The following DHX16 variants were observed in gnomAD, a reference collection of about 807,000 sequenced individuals.
DHX16 encodes the protein pre-mRNA-splicing factor ATP-dependent RNA helicase DHX16.
DHX16 carries 81 observed loss-of-function variants against 131.2 expected under a neutral mutation model. That is an observed-to-expected ratio of 0.62 (90% confidence interval 0.52 to 0.74). DHX16 has a LOEUF of 0.74. Ranked by LOEUF, DHX16 falls within the 30% of genes least tolerant of loss-of-function variation. DHX16 has a pLI of 0.00. For synonymous variants in DHX16, 440 were observed against 520.2 expected, an observed-to-expected ratio of 0.85 and a Z score of 2.10; for missense variants, 980 against 1,363.1, an observed-to-expected ratio of 0.72 and a Z score of 4.43.
At chr6:30,654,675 C>T in intron 19 of DHX16, 31 bp downstream of exon 19, 9 of 1,590,164 alleles carry the variant, frequency 5.7e-6, no homozygotes, top group Non-Finnish European at 6.8e-6. Context: ...ACATAGTCTC[C>T]ACCTGCGTGG....
Position 30,672,700 on chromosome 6 carries a change from G to A in DHX16, c.142C>T (p.Arg48Ter), listed in dbSNP as rs778474797. The A allele has an allele frequency of 1.4e-5, 22 of 1,612,878 alleles. No homozygotes were observed. Among genetic ancestry groups the A allele is most frequent in the East Asian group, 2.2e-5 (1 of 44,888 alleles). ...TSAEEFVQRLRDTDTLDLSGP... is the reference protein window; with the variant it reads ...TSAEEFVQRL The stretch of plus-strand genomic sequence containing the variant: ...CTGAGATCCAAGGTATCAGTGTCTC[G>A]TAGGCGCTGCACGAACTCCTCGGCA... The change falls in exon 1 of 20, where the codon CGA (arginine) becomes TGA (stop). Residue 48 changes from arginine (R) to a stop codon, truncating the protein, a stop_gained. Coordinates refer to ENST00000376442, the MANE Select transcript of DHX16 (RefSeq NM_003587.5). LOFTEE classifies it high-confidence loss of function.
At chr6:30,655,867 T>C (rs1767933765) in intron 16 of DHX16, among the ~76,000 whole-genome samples, 1 of 152,056 alleles carries the variant, frequency 6.6e-6, no homozygotes, top group African/African-American at 2.4e-5. Context: ...CTGCAGAAAG[T>C]GTGCATTCAC....
At chr6:30,653,689 G>A (rs909291874) in intron 19 of DHX16, among the ~76,000 whole-genome samples, 6 of 117,592 alleles carry the variant, frequency 5.1e-5, no homozygotes, top group African/African-American at 1.6e-4. Context: ...AGATCCTTAT[G>A]TGTATGGTCA....
In DHX16 at chr6:30,665,500, C is replaced by G. The variant is rs1055903076; in HGVS notation, c.900G>C (p.Met300Ile). 6.2e-7 allele frequency: 1 copy of G among 1,612,976 alleles called. No individual in the cohort carries two copies. Among genetic ancestry groups the G allele is most frequent in the East Asian group, 2.2e-5 (1 of 44,880 alleles). ...TCACCTGTCCTCGGGTTTCCTTGGG[C>G]ATGTGGTAGCGATTGGTGGCCTCCA... ...EKLEATNRYH[M>I]PKETRGQPAR... Residue 300 changes from methionine to isoleucine, a missense_variant, in exon 5 of 20, where the codon ATG becomes ATC. Around this residue, in one of 3 missense-constraint regions of DHX16, gnomAD observed 457 missense variants for 554.8 expected, o/e 0.82. Transcript: ENST00000376442. This position sits in a 1 kb window ranked among gnomAD's most constrained non-coding sequence, Gnocchi z 4.8.
rs1466314577 is a variant in DHX16, at chr6:30,662,949, G to A, written c.1390C>T (p.Arg464Ter). ...TTCACACCCATCTCCCGGGCCACTC[G>A]GGCGGCCACACTCATGGCAGCCACT... ...RRVAAMSVAA[R>*]VAREMGVKLG... Residue 464 changes from arginine to a stop codon, truncating the protein, a stop_gained, in exon 8 of 20, where the codon CGA becomes TGA. Transcript: ENST00000376442. LOFTEE classifies it high-confidence loss of function. The surrounding 1 kb of genome is among the most constrained non-coding windows in gnomAD (Gnocchi z 4.7). 14 of 1,613,120 alleles carry A rather than the reference G, an allele frequency of 8.7e-6. No homozygotes were observed. The highest frequency in any genetic ancestry group is 4.5e-5 in the East Asian group (2 of 44,892).
chr6:30,661,639 G>A (rs1768526393), intron 9 of DHX16: 1 of 669,124 alleles, frequency 1.5e-6, no homozygotes, highest in African/African-American at 1.8e-5. Context: ...ACTCAGTTAT[G>A]TGCATGACAC....
intron 1 of DHX16, 47 bp from the exon 2 acceptor site, chr6:30,671,321 C>T: frequency 6.5e-7 from 1 of 1,540,194 alleles, no homozygotes; most frequent in Non-Finnish European, 8.9e-7. Flanking sequence ...CTCCTGATCT[C>T]TGCCCTCCCA....
Position 30,653,346 on chromosome 6 carries a change from G to A in DHX16, c.3022C>T (p.Leu1008Phe). ...RQVLEIESSW[L>F]LEVAPHYYKA... ...TAATAATGGGGAGCCACCTCCAGAAGCCAACTGCTCTCAATCTCCAGTACC... is the reference window on the plus strand; with the variant it reads ...TAATAATGGGGAGCCACCTCCAGAAACCAACTGCTCTCAATCTCCAGTACC... The change falls in exon 20 of 20, where the codon CTT becomes TTT. Residue 1008 changes from leucine (L) to phenylalanine (F), a missense_variant. Leu to Phe is a conservative substitution (Grantham distance 22). Transcript: ENST00000376442. 6.2e-7 allele frequency: 1 copy of A among 1,612,732 alleles called. No homozygotes were observed. Among genetic ancestry groups the A allele is most frequent in the Non-Finnish European group, 8.5e-7 (1 of 1,179,924 alleles).
At chr6:30,667,080 C>T (rs1043429237) in intron 4 of DHX16, among the ~76,000 whole-genome samples, 6 of 151,952 alleles carry the variant, frequency 3.9e-5, no homozygotes, top group African/African-American at 1.2e-4. Context: ...CAATTTGACA[C>T]ACACAAACAA....
intron 4 of DHX16, among the ~76,000 whole-genome samples, chr6:30,666,068 GA>G (rs1769016797): frequency 6.6e-6 from 1 of 152,112 alleles, no homozygotes; most frequent in Admixed American, 6.6e-5. Flanking sequence ...CAAATTAGTG[GA>G]AAGGGGGAAA....
chr6:30,665,605 G>A lies in DHX16; in HGVS notation c.795C>T (p.His265=), dbSNP rs201025174. 8 of 1,612,940 alleles carry A rather than the reference G, an allele frequency of 5.0e-6. No homozygotes were observed. Among genetic ancestry groups the A allele is most frequent in the East Asian group, 2.2e-5 (1 of 44,880 alleles). The change falls in exon 5 of 20, where the codon CAC becomes CAT. Residue 265 remains histidine (H), a synonymous_variant. Transcript: ENST00000376442. The surrounding 1 kb of genome is among the most constrained non-coding windows in gnomAD (Gnocchi z 4.8). ...FLFGDVELSR[H]ERQELKYKRR... ...GCTTATATTTGAGCTCCTGCCGCTC[G>A]TGCCGGCTCAGCTCCACGTCCCCAA...
At chr6:30,659,383 G>A in intron 12 of DHX16, 89 bp downstream of exon 12, 1 of 1,388,936 alleles carries the variant, frequency 7.2e-7, no homozygotes, top group Middle Eastern at 1.9e-4. Flanking sequence ...CAGTGCGCAG[G>A]ACTCACCTTG....
Position 30,659,088 on chromosome 6 carries a change from C to T in DHX16, c.2007+384G>A, listed in dbSNP as rs565103069. Among the ~76,000 whole-genome samples, 100 of 152,224 alleles carry T rather than the reference C, an allele frequency of 6.6e-4. 1 individual carries two copies. The highest frequency in any genetic ancestry group is 1.1e-3 in the Non-Finnish European group (76 of 68,006). On this transcript the variant is annotated intron_variant, in intron 12 of 19. Transcript: ENST00000376442. ...TTTCAGTGGAGGCAGGGTTTCACCA[C>T]GTTAGGCAGCCTGGTTTCGAACTAC...
intron 4 of DHX16, among the ~76,000 whole-genome samples, chr6:30,669,531 G>A (rs1192538564): frequency 1.3e-5 from 2 of 152,008 alleles, no homozygotes; most frequent in Non-Finnish European, 2.9e-5. Flanking sequence ...GCCAAAGCAG[G>A]TGGATCACAA....
intron 4 of DHX16, among the ~76,000 whole-genome samples, chr6:30,668,420 G>T (rs6933249): frequency 6.6e-6 from 1 of 152,106 alleles, no homozygotes; most frequent in African/African-American, 2.4e-5. Flanking sequence ...GGAGACCGAG[G>T]GGGGTGGATC....
intron 19 of DHX16, among the ~76,000 whole-genome samples, chr6:30,654,218 T>C (rs1395397966): frequency 6.6e-6 from 1 of 152,116 alleles, no homozygotes; most frequent in Admixed American, 6.5e-5. Flanking sequence ...TTCAAATATT[T>C]ATTGAATAAG....
In DHX16 at chr6:30,656,163, G is replaced by C; in HGVS notation, c.2498+35C>G. 1 of 1,606,636 alleles carries C rather than the reference G, an allele frequency of 6.2e-7. No homozygotes were observed. Among genetic ancestry groups the C allele is most frequent in the Non-Finnish European group, 8.5e-7 (1 of 1,176,138 alleles). On this transcript the variant is annotated intron_variant, in intron 16 of 19. Transcript: ENST00000376442. The surrounding 1 kb of genome is among the most constrained non-coding windows in gnomAD (Gnocchi z 5.1). ...GAGACAGAGGAGGCCTGGCCTGTTT[G>C]TGTGCTGGGGGCCCAGGTGGAGGCG...
chr6:30,667,265 G>C (rs997794119), intron 4 of DHX16, among the ~76,000 whole-genome samples: 2 of 152,074 alleles, frequency 1.3e-5, no homozygotes, highest in Non-Finnish European at 2.9e-5. Flanking sequence ...GCCAATACAC[G>C]TAACAGGAAT....
In DHX16 at chr6:30,657,097, G is replaced by C; in HGVS notation, c.2008-5C>G. ...AATGTTCGTTGCCACAACCACCTGA[G>C]TGATAGGATATGGGGTCACCCAGTG... On this transcript the variant is annotated splice_region_variant and splice_polypyrimidine_tract_variant and intron_variant, in intron 12 of 19. Transcript: ENST00000376442. 1 of 1,611,816 alleles carries C rather than the reference G, an allele frequency of 6.2e-7. No individual in the cohort carries two copies. Among genetic ancestry groups the C allele is most frequent in the Non-Finnish European group, 8.5e-7 (1 of 1,179,292 alleles).
Sources: allele counts gnomAD v4.1 joint callset (sites outside exome capture counted in the v4.1 genomes callset), GRCh38; gene constraint gnomAD v4.1.1; regional missense constraint gnomAD v4.1.1; non-coding constraint Gnocchi (gnomAD v3.1); transcripts MANE v1.5; gene names NCBI Gene and HGNC (gene_info 2026-07-23, HGNC 2026-07-21).